The following GPR161 variants were observed in gnomAD, a reference collection of about 807,000 sequenced individuals.
The protein encoded by GPR161 is G protein-coupled receptor 161.
Under a neutral mutation model 39.2 loss-of-function variants are expected in GPR161, and 25 were observed. The ratio of observed to expected loss-of-function variants is 0.64; its 90% CI spans 0.47 to 0.89. GPR161 has a LOEUF of 0.89. GPR161 is among the 40% of genes least tolerant of loss of function. The pLI is 0.00. For synonymous variants in GPR161, 286 were observed against 276.6 expected (o/e 1.03, Z -0.34); for missense variants, 547 against 677.8 (o/e 0.81, Z 2.14).
At position 168,084,941 on chromosome 1, in the gene GPR161, T is replaced by A; in HGVS notation, c.*590A>T. 2.2e-6 allele frequency: 1 copy of A among 456,320 alleles called. No homozygotes were observed. Among genetic ancestry groups the A allele is most frequent in the Non-Finnish European group, 4.4e-6 (1 of 226,968 alleles). The allele number at this position is 456,320 out of a possible 1,614,324, so 28.3% of individuals were successfully genotyped here. Reference sequence around the variant, plus strand: ...TATTAGCACCAGCAGGTGGCGCCACTGAGGACCGCTCCGAAGCGCTCTGCT... The same window carrying A: ...TATTAGCACCAGCAGGTGGCGCCACAGAGGACCGCTCCGAAGCGCTCTGCT... On this transcript the variant is annotated 3_prime_UTR_variant, in exon 6 of 6. Transcript: ENST00000682931.
chr1:168,136,031 TATGCCTTTGTCCA>T, intron 1 of GPR161: 1 of 1,238,358 alleles, frequency 8.1e-7, no homozygotes, highest in Non-Finnish European at 1.0e-6. Context: ...TCTCATCCCA[TATGCCTTTGTCCA>T]AAGGTTGCAC....
chr1:168,130,056 C>T (rs1160538100), intron 1 of GPR161, among the ~76,000 whole-genome samples: 1 of 152,226 alleles, frequency 6.6e-6, no homozygotes, highest in African/African-American at 2.4e-5. Flanking sequence ...TCTCCTGTCT[C>T]TCCGTCCTTT....
intron 1 of GPR161, among the ~76,000 whole-genome samples, chr1:168,120,609 G>A (rs2102231469): frequency 6.6e-6 from 1 of 152,278 alleles, no homozygotes. Context: ...GTTTGGCTCT[G>A]TGTCCCCACC....
At chr1:168,126,390 G>C (rs1400411071) in intron 1 of GPR161, among the ~76,000 whole-genome samples, 1 of 152,128 alleles carries the variant, frequency 6.6e-6, no homozygotes, top group African/African-American at 2.4e-5. Flanking sequence ...TCCGGTCTAG[G>C]GTTTGCCTTT....
At chr1:168,112,709 T>C (rs1432014013) in intron 1 of GPR161, among the ~76,000 whole-genome samples, 1 of 151,200 alleles carries the variant, frequency 6.6e-6, no homozygotes, top group Non-Finnish European at 1.5e-5. Context: ...ATACAAAAAT[T>C]AACCAGGAGT....
chr1:168,114,550 C>T (rs936178375), intron 1 of GPR161: 1 of 148,612 alleles, frequency 6.7e-6, no homozygotes, highest in African/African-American at 2.6e-5. Flanking sequence ...GGGTGAGACT[C>T]TGTCTCAAAA....
intron 1 of GPR161, chr1:168,118,681 T>C (rs1399979756): frequency 6.6e-6 from 1 of 152,114 alleles, no homozygotes; most frequent in Non-Finnish European, 1.5e-5. Context: ...GCAGCTGCAG[T>C]GAGCCGAGAT....
At chr1:168,111,746 A>C (rs900254112) in intron 1 of GPR161, among the ~76,000 whole-genome samples, 1 of 152,212 alleles carries the variant, frequency 6.6e-6, no homozygotes, top group African/African-American at 2.4e-5. Flanking sequence ...TATCCAATCT[A>C]CTAGAGTTAA....
chr1:168,119,042 A>C (rs1019699541), intron 1 of GPR161, among the ~76,000 whole-genome samples: 1 of 151,628 alleles, frequency 6.6e-6, no homozygotes, highest in African/African-American at 2.4e-5. Context: ...TCCTCAAAAA[A>C]TTAAACACAG....
Position 168,090,342 on chromosome 1 carries a change from G to C in GPR161, c.1204+222C>G. 4 of 471,714 alleles carry C rather than the reference G, an allele frequency of 8.5e-6. No homozygotes were observed. The South Asian group carries it at 1.1e-4, about 13-fold the overall frequency. The allele number at this position is 471,714 out of a possible 1,614,324, so 29.2% of individuals were successfully genotyped here. On this transcript the variant is annotated intron_variant, in intron 4 of 5. Transcript: ENST00000682931. Reference sequence around the variant, plus strand: ...ATAACACCGTGCGGCAGAGAGAACAGGAACTGACAGCCCCATTTTGTAGAG... The same window carrying C: ...ATAACACCGTGCGGCAGAGAGAACACGAACTGACAGCCCCATTTTGTAGAG...
chr1:168,126,396 C>T (rs1163451140), intron 1 of GPR161, among the ~76,000 whole-genome samples: 1 of 152,202 alleles, frequency 6.6e-6, no homozygotes, highest in Admixed American at 6.5e-5. Context: ...CTAGGGTTTG[C>T]CTTTTATATT....
chr1:168,123,944 T>C (rs557047806), intron 1 of GPR161, among the ~76,000 whole-genome samples: 3 of 152,354 alleles, frequency 2.0e-5, no homozygotes, highest in Non-Finnish European at 4.4e-5. Flanking sequence ...GGTTAAGTCC[T>C]GTAGCAGAGT....
chr1:168,090,328 C>G (rs547313638), intron 4 of GPR161: 1 of 425,126 alleles, frequency 2.4e-6, no homozygotes, highest in African/African-American at 2.0e-5. Flanking sequence ...TAACACCGTG[C>G]GGCAGAGAGA....
At chr1:168,106,454 G>A (rs927611297) in intron 1 of GPR161, among the ~76,000 whole-genome samples, 2 of 152,170 alleles carry the variant, frequency 1.3e-5, no homozygotes, top group Non-Finnish European at 1.5e-5. Flanking sequence ...TCCGGGAATG[G>A]TCGTACATTC....
chr1:168,119,953 C>T lies in GPR161; in HGVS notation c.-44-15059G>A, dbSNP rs560908643. 1.2e-4 allele frequency among the ~76,000 whole-genome samples: 19 copies of T among 152,338 alleles called. No individual in the cohort carries two copies. In the South Asian group the frequency reaches 3.9e-3, roughly 32 times the overall value. On this transcript the variant is annotated intron_variant, in intron 1 of 5. Coordinates refer to ENST00000682931, the MANE Select transcript of GPR161 (RefSeq NM_001375883.1). ...TCCAGGCAGAAGTCTGCTGCAGGGG[C>T]AGAGCCCTCATGAAGAAACTCTCCT...
chr1:168,129,739 AC>A (rs1698848103), intron 1 of GPR161, among the ~76,000 whole-genome samples: 1 of 152,210 alleles, frequency 6.6e-6, no homozygotes, highest in African/African-American at 2.4e-5. Flanking sequence ...GAAATGAGTT[AC>A]CCATAGTCAT....
chr1:168,104,691 T>C lies in GPR161; in HGVS notation c.160A>G (p.Lys54Glu). 1.2e-6 allele frequency: 2 copies of C among 1,613,912 alleles called. No homozygotes were observed. The highest frequency in any genetic ancestry group is 1.7e-6 in the Non-Finnish European group (2 of 1,179,796). Residue 54 changes from lysine (K) to glutamate (E), a missense_variant, in exon 2 of 6, where the codon AAG becomes GAG. Lys to Glu is a moderately conservative substitution (Grantham distance 56, BLOSUM62 1). Coordinates refer to ENST00000682931, the MANE Select transcript of GPR161 (RefSeq NM_001375883.1). ...CTGAGGGTGAGGAGGTAGGACTTCTTGTACAAGGTGACCACGATGACCAGG... is the reference window on the plus strand; with the variant it reads ...CTGAGGGTGAGGAGGTAGGACTTCTCGTACAAGGTGACCACGATGACCAGG... ...GNLVIVVTLY[K>E]KSYLLTLSNK...
intron 3 of GPR161, 121 bp from the exon 4 acceptor site, chr1:168,090,789 C>T (rs1572249671): frequency 1.8e-6 from 1 of 560,100 alleles, no homozygotes; most frequent in East Asian, 2.9e-5. Context: ...TCACTCTCAA[C>T]TCCCTGAAAG....
chr1:168,135,172 G>A, intron 1 of GPR161: 1 of 1,113,970 alleles, frequency 9.0e-7, no homozygotes, highest in South Asian at 1.9e-5. Context: ...GAAGCCCTGA[G>A]TTAAAGAACT....
Sources: allele counts gnomAD v4.1 joint callset (sites outside exome capture counted in the v4.1 genomes callset), GRCh38; gene constraint gnomAD v4.1.1; transcripts MANE v1.5; gene names NCBI Gene and HGNC (gene_info 2026-07-23, HGNC 2026-07-21).